HAPSTR1: variants seen among roughly 807,000 people sequenced by gnomAD.
The protein encoded by HAPSTR1 is HUWE1-associated protein modifying stress responses 1.
chr16:9,100,913 CTG>C, the HAPSTR1 span, among the ~76,000 whole-genome samples: 1 of 152,138 alleles, frequency 6.6e-6, no homozygotes, highest in Admixed American at 6.5e-5. Context: ...TTTTTTTCCT[CTG>C]TTTCTGCAGG....
chr16:9,093,487 C>T, the HAPSTR1 span, among the ~76,000 whole-genome samples: 1 of 152,164 alleles, frequency 6.6e-6, no homozygotes, highest in Admixed American at 6.5e-5. Flanking sequence ...GGAAAAGATT[C>T]TTGAGTTAGG....
the HAPSTR1 span, among the ~76,000 whole-genome samples, chr16:9,098,320 C>A: frequency 6.6e-6 from 1 of 152,176 alleles, no homozygotes; most frequent in South Asian, 2.1e-4. Context: ...GCAGCAAGAG[C>A]GAAAATCCAT....
the HAPSTR1 span, chr16:9,109,707 A>G: frequency 2.0e-5 from 3 of 152,218 alleles, no homozygotes; most frequent in East Asian, 5.8e-4. Flanking sequence ...CATGTTTAAA[A>G]CAAGTTTAAA....
chr16:9,107,856 C>T, the HAPSTR1 span: 36 of 151,956 alleles, frequency 2.4e-4, no homozygotes, highest in Admixed American at 1.2e-3. Context: ...TAGCAGGGAC[C>T]TTGTCTTGGT....
chr16:9,093,342 T>A, the HAPSTR1 span, among the ~76,000 whole-genome samples: 824 of 152,214 alleles, frequency 5.4e-3, 9 homozygotes, highest in African/African-American at 0.019. Context: ...ATCATGCCCC[T>A]AAAGTCAGTA....
the HAPSTR1 span, chr16:9,119,141 C>T: frequency 2.6e-5 from 4 of 152,572 alleles, no homozygotes; most frequent in Non-Finnish European, 5.9e-5. Flanking sequence ...GTCACCCAGT[C>T]GCAACTTTTC....
the HAPSTR1 span, among the ~76,000 whole-genome samples, chr16:9,102,242 A>G: frequency 6.6e-6 from 1 of 152,270 alleles, no homozygotes; most frequent in South Asian, 2.1e-4. Context: ...CATACTGGTG[A>G]TGTTCTGCTG....
chr16:9,100,992 T>A, the HAPSTR1 span, among the ~76,000 whole-genome samples: 1 of 152,226 alleles, frequency 6.6e-6, no homozygotes, highest in African/African-American at 2.4e-5. Flanking sequence ...AACAGAAACT[T>A]CTTCATTTAC....
At chr16:9,097,676 A>T in the HAPSTR1 span, among the ~76,000 whole-genome samples, 16 of 152,222 alleles carry the variant, frequency 1.1e-4, no homozygotes, top group African/African-American at 3.1e-4. Context: ...TGAGCAGCCC[A>T]GGCTCCCCTG....
At chr16:9,099,469 A>G in the HAPSTR1 span, among the ~76,000 whole-genome samples, 1 of 152,212 alleles carries the variant, frequency 6.6e-6, no homozygotes, top group Non-Finnish European at 1.5e-5. Context: ...CTGGGATTAC[A>G]CGGATGAGCC....
the HAPSTR1 span, chr16:9,118,719 TG>T: frequency 6.6e-6 from 1 of 152,500 alleles, no homozygotes; most frequent in African/African-American, 2.4e-5. Context: ...GACATGCGTT[TG>T]GAGTTACCTT....
chr16:9,092,184 C>T, the HAPSTR1 span: 8 of 1,579,076 alleles, frequency 5.1e-6, no homozygotes, highest in Non-Finnish European at 6.9e-6. Flanking sequence ...GAGGAGGCGG[C>T]GGCCGCCGCG....
the HAPSTR1 span, chr16:9,093,129 G>C: frequency 1.1e-6 from 1 of 936,564 alleles, no homozygotes; most frequent in African/African-American, 1.7e-5. Flanking sequence ...TGCAACTTGA[G>C]AATCGCGGCG....
the HAPSTR1 span, among the ~76,000 whole-genome samples, chr16:9,114,901 C>A: frequency 1.9e-4 from 29 of 152,162 alleles, no homozygotes; most frequent in African/African-American, 6.0e-4. Context: ...GAAGTATTCT[C>A]ATGTTAATGC....
the HAPSTR1 span, chr16:9,108,788 T>C: frequency 1.3e-5 from 2 of 152,208 alleles, no homozygotes; most frequent in South Asian, 4.1e-4. Flanking sequence ...TTGGGCAACA[T>C]GCTTGACTTC....
At chr16:9,102,193 C>A in the HAPSTR1 span, among the ~76,000 whole-genome samples, 1 of 152,176 alleles carries the variant, frequency 6.6e-6, no homozygotes, top group Non-Finnish European at 1.5e-5. Context: ...ACGGAAAGTT[C>A]AAGGATAAAG....
At chr16:9,115,710 G>A in the HAPSTR1 span, among the ~76,000 whole-genome samples, 1 of 152,146 alleles carries the variant, frequency 6.6e-6, no homozygotes, top group Non-Finnish European at 1.5e-5. Context: ...CGCCTCCCGG[G>A]TTCAAGCGAT....
chr16:9,096,921 C>CT, the HAPSTR1 span, among the ~76,000 whole-genome samples: 2 of 152,006 alleles, frequency 1.3e-5, no homozygotes, highest in African/African-American at 4.8e-5. Flanking sequence ...TAATAGACTG[C>CT]TTTTTTTGTG....
At chr16:9,108,723 C>T in the HAPSTR1 span, 1 of 152,158 alleles carries the variant, frequency 6.6e-6, no homozygotes, top group Non-Finnish European at 1.5e-5. Flanking sequence ...ATCCCTGGTT[C>T]ACTGGTTAGG....
Sources: allele counts gnomAD v4.1 joint callset (sites outside exome capture counted in the v4.1 genomes callset), GRCh38; gene constraint gnomAD v4.1.1; transcripts MANE v1.5; gene names NCBI Gene and HGNC (gene_info 2026-07-23, HGNC 2026-07-21).